Variants in NTN5 observed in about 807,000 individuals in gnomAD.
NTN5 encodes netrin-5.
In NTN5, 42 loss-of-function variants were observed where a neutral mutation model predicts 38.7. The observed-to-expected ratio is 1.08, with a 90% CI of 0.85 to 1.40. The LOEUF (loss-of-function observed/expected upper bound fraction) is 1.40. NTN5 is among the 40% of genes most tolerant of loss of function. The probability of loss-of-function intolerance (pLI) is 0.00; values close to 1 mark genes in which losing one functional copy is unlikely to be tolerated. For synonymous variants in NTN5, 329 were observed against 303.9 expected (o/e 1.08, Z -0.86); for missense variants, 658 against 716.5 (o/e 0.92, Z 0.93).
intron 2 of NTN5, among the ~76,000 whole-genome samples, chr19:48,665,848 A>G (rs1244522110): frequency 2.0e-5 from 3 of 151,914 alleles, no homozygotes; most frequent in Non-Finnish European, 4.4e-5. Flanking sequence ...AGAGTGGGCT[A>G]TGGCCTGTGG....
In NTN5 at chr19:48,670,699, C is replaced by T. The variant is rs1482394580; in HGVS notation, c.288G>A (p.Trp96Ter). The change falls in exon 2 of 7, where the codon TGG becomes TGA. Residue 96 changes from tryptophan (W) to a stop codon, truncating the protein, a stop_gained. Coordinates refer to ENST00000270235, the MANE Select transcript of NTN5 (RefSeq NM_145807.4). LOFTEE classifies it high-confidence loss of function. ...GCAGCCTCCAGGGACCCCCTGAGGCCCAGGCAGCAGACAGGATGAGGGCTG... is the reference window on the plus strand; with the variant it reads ...GCAGCCTCCAGGGACCCCCTGAGGCTCAGGCAGCAGACAGGATGAGGGCTG... The part of the protein sequence containing the change: ...GPPALILSAA[W>*]ASGGPWRLLW... 6.2e-7 allele frequency: 1 copy of T among 1,611,542 alleles called. No homozygotes were observed. The highest frequency in any genetic ancestry group is 8.5e-7 in the Non-Finnish European group (1 of 1,179,296).
chr19:48,664,329 G>A (rs1283176952), intron 3 of NTN5, 37 bp from the exon 4 acceptor site: 7 of 1,598,046 alleles, frequency 4.4e-6, no homozygotes, highest in Admixed American at 1.7e-5. Context: ...TGGGGTATCA[G>A]GGCCCCAGAT....
chr19:48,670,212 T>G, intron 2 of NTN5, 144 bp downstream of exon 2: 2 of 801,628 alleles, frequency 2.5e-6, no homozygotes, highest in Non-Finnish European at 1.8e-6. Context: ...AGGGAGGAGG[T>G]ATGAGGGGAC....
chr19:48,661,549 A>T lies in NTN5; in HGVS notation c.*128T>A. The T allele has an allele frequency of 1.7e-6, 2 of 1,153,086 alleles. No individual in the cohort carries two copies. The highest frequency in any genetic ancestry group is 2.5e-5 in the South Asian group (1 of 40,480). The allele number at this position is 1,153,086 out of a possible 1,614,324, so 71.4% of individuals were successfully genotyped here. A position where few individuals can be genotyped will look rare whatever the true frequency, so the allele number is the denominator to read the frequency against. ...CCGCACGCCTGCTCGGCGTGGGCGCAAGCATAGTGTCGTCGGGGCTCTGCG... is the reference window on the plus strand; with the variant it reads ...CCGCACGCCTGCTCGGCGTGGGCGCTAGCATAGTGTCGTCGGGGCTCTGCG... On this transcript the variant is annotated 3_prime_UTR_variant, in exon 7 of 7. Transcript: ENST00000270235.
At chr19:48,669,222 C>T (rs868031767) in intron 2 of NTN5, among the ~76,000 whole-genome samples, 5 of 24,680 alleles carry the variant, frequency 2.0e-4, no homozygotes, top group South Asian at 2.2e-3. Context: ...ACCACCACCA[C>T]CACGACCATC....
rs775325606 is a variant in NTN5, at chr19:48,664,283, C to T, written c.830G>A (p.Cys277Tyr). 3.1e-6 allele frequency: 5 copies of T among 1,612,762 alleles called. No individual in the cohort carries two copies. In the East Asian group the frequency reaches 6.7e-5, roughly 22 times the overall value. ...FSRRACRACQ[C>Y]HPIGATGGTC... Reference sequence around the variant, plus strand: ...TCCTCCTGTTGCCCCAATAGGGTGGCACTGGCAGGCTACATGAGCAGAGGA... The same window carrying T: ...TCCTCCTGTTGCCCCAATAGGGTGGTACTGGCAGGCTACATGAGCAGAGGA... The change falls in exon 4 of 7, where the codon TGC becomes TAC. Residue 277 changes from cysteine (C) to tyrosine (Y), a missense_variant. By Grantham distance (194) the Cys-to-Tyr change is radical. Transcript: ENST00000270235.
chr19:48,669,852 TCACCAC>T, intron 2 of NTN5, among the ~76,000 whole-genome samples: 1 of 34,902 alleles, frequency 2.9e-5, no homozygotes, highest in East Asian at 6.8e-4. Flanking sequence ...ACCACTACCA[TCACCAC>T]CACCATCACC....
At chr19:48,663,273 G>A (rs2031597346) in intron 6 of NTN5, 190 bp downstream of exon 6, 2 of 694,600 alleles carry the variant, frequency 2.9e-6, no homozygotes, top group African/African-American at 1.8e-5. Context: ...GGAAGGTAGT[G>A]AATGCCCCCT....
At chr19:48,662,574 C>G (rs1433820932) in intron 6 of NTN5, 2 of 152,774 alleles carry the variant, frequency 1.3e-5, no homozygotes, top group Non-Finnish European at 2.9e-5. Context: ...TGAAGTGATT[C>G]TTGTGCCTCA....
At chr19:48,663,281 C>T (rs1343182761) in intron 6 of NTN5, 182 bp downstream of exon 6, 3 of 704,234 alleles carry the variant, frequency 4.3e-6, no homozygotes, top group African/African-American at 1.7e-5. Context: ...GTGAATGCCC[C>T]CTCCCCACTC....
At chr19:48,667,484 C>G (rs1411108716) in intron 2 of NTN5, 1 of 247,690 alleles carries the variant, frequency 4.0e-6, no homozygotes, top group African/African-American at 2.3e-5. Flanking sequence ...CCCCTCACTC[C>G]CCTGCTTAGG....
chr19:48,664,744 G>C lies in NTN5; in HGVS notation c.655C>G (p.Arg219Gly), dbSNP rs372577584. The part of the protein sequence containing the change: ...CLPCSCNQHA[R>G]RCRFNSELFR... ...AGCTCAGAGTTGAACCGGCAGCGTC[G>C]GGCGTGCTGGTTGCAGGAGCAGGCT... The change falls in exon 3 of 7, where the codon CGA (arginine) becomes GGA (glycine). Residue 219 changes from arginine to glycine, a missense_variant. Physicochemically the swap from Arg to Gly is moderately radical, Grantham distance 125 (BLOSUM62 -2). Transcript: ENST00000270235. 7.9e-4 allele frequency: 1,246 copies of C among 1,572,550 alleles called. 20 individuals are homozygous for C. In the South Asian group the frequency reaches 0.013, roughly 16 times the overall value.
intron 1 of NTN5, among the ~76,000 whole-genome samples, chr19:48,672,202 G>C (rs2031980301): frequency 6.6e-6 from 1 of 152,184 alleles, no homozygotes; most frequent in Admixed American, 6.5e-5. Context: ...GGGACAGGGT[G>C]GGGTGCCAGA....
chr19:48,667,870 A>G (rs780653297), intron 2 of NTN5, among the ~76,000 whole-genome samples: 112 of 151,972 alleles, frequency 7.4e-4, no homozygotes, highest in Non-Finnish European at 1.5e-3. Flanking sequence ...GAAAAAAAAA[A>G]GAAATAGAGG....
In NTN5 at chr19:48,670,488, C is replaced by T; in HGVS notation, c.499G>A (p.Ala167Thr). 6.8e-7 allele frequency: 1 copy of T among 1,478,154 alleles called. No individual in the cohort carries two copies. The highest frequency in any genetic ancestry group is 9.0e-7 in the Non-Finnish European group (1 of 1,114,156). The allele number at this position is 1,478,154 out of a possible 1,614,324, so 91.6% of individuals were successfully genotyped here. ...CAGCGGGGGGGCCGGGCACGGGCGG[C>T]ACAGCGGGCAGCGTGGCCATGACAC... ...CQCHGHAARC[A>T]ARARPPRCHC... The change falls in exon 2 of 7, where the codon GCC becomes ACC. Residue 167 changes from alanine to threonine, a missense_variant. Ala to Thr is a moderately conservative substitution (Grantham distance 58). Coordinates refer to ENST00000270235, the MANE Select transcript of NTN5 (RefSeq NM_145807.4).
Position 48,661,836 on chromosome 19 carries a change from G to A in NTN5, c.1311C>T (p.Gly437=). ...GGATGAGGCGCGTGGGGTCGGGGTCGCCCACGGCGCTGCCCAGCAGCAGGT... is the reference window on the plus strand; with the variant it reads ...GGATGAGGCGCGTGGGGTCGGGGTCACCCACGGCGCTGCCCAGCAGCAGGT... ...TDYLLLGSAV[G]DPDPTRLILD... is the part of the protein sequence containing the mutation. Residue 437 remains glycine (G), a synonymous_variant, in exon 7 of 7, where the codon GGC becomes GGT. Transcript: ENST00000270235. The A allele has an allele frequency of 7.5e-7, 1 of 1,332,090 alleles. No individual in the cohort carries two copies. The allele number at this position is 1,332,090 out of a possible 1,614,324, so 82.5% of individuals were successfully genotyped here. A position where few individuals can be genotyped will look rare whatever the true frequency, so the allele number is the denominator to read the frequency against.
chr19:48,670,434 C>A lies in NTN5; in HGVS notation c.553G>T (p.Gly185Trp). Reference protein sequence around the residue: ...CHCRHHTTGPGCESCRPSHRD... With the variant: ...CHCRHHTTGPWCESCRPSHRD... ...TGGGACGGGCGGCAGCTCTCGCACC[C>A]CGGGCCAGTGGTATGGTGGCGGCAG... Residue 185 changes from glycine (G) to tryptophan (W), a missense_variant, in exon 2 of 7, where the codon GGG becomes TGG. Coordinates refer to ENST00000270235, the MANE Select transcript of NTN5 (RefSeq NM_145807.4). 6.8e-7 allele frequency: 1 copy of A among 1,461,502 alleles called. No homozygotes were observed. Among genetic ancestry groups the A allele is most frequent in the East Asian group, 2.5e-5 (1 of 39,500 alleles). The allele number at this position is 1,461,502 out of a possible 1,614,324, so 90.5% of individuals were successfully genotyped here.
chr19:48,665,864 G>A (rs2031691383), intron 2 of NTN5, among the ~76,000 whole-genome samples: 2 of 151,972 alleles, frequency 1.3e-5, no homozygotes, highest in South Asian at 4.1e-4. Context: ...TGTGGAATCA[G>A]ACCCTTTTAG....
At chr19:48,664,080 G>A (rs1355584342) in intron 4 of NTN5, 63 bp downstream of exon 4, 2 of 1,522,710 alleles carry the variant, frequency 1.3e-6, no homozygotes, top group Non-Finnish European at 1.8e-6. Context: ...GCTGTGCACT[G>A]GAGACCTGGG....
Sources: allele counts gnomAD v4.1 joint callset (sites outside exome capture counted in the v4.1 genomes callset), GRCh38; gene constraint gnomAD v4.1.1; transcripts MANE v1.5; gene names NCBI Gene and HGNC (gene_info 2026-07-23, HGNC 2026-07-21).